Variants in TMEM67 observed in about 807,000 individuals in gnomAD.
The protein encoded by TMEM67 is meckelin.
A neutral mutation model predicts 136.6 loss-of-function variants in TMEM67; 124 were observed. That is an observed-to-expected ratio of 0.91 (90% confidence interval 0.78 to 1.05). TMEM67 has a LOEUF of 1.05. Ranked by LOEUF, TMEM67 falls within the 50% of genes least tolerant of loss-of-function variation. The probability of loss-of-function intolerance (pLI) is 0.00; values close to 1 mark genes in which losing one functional copy is unlikely to be tolerated. For synonymous variants in TMEM67, 364 were observed against 390.5 expected (o/e 0.93, Z 0.80); for missense variants, 1,107 against 1,178.4 (o/e 0.94, Z 0.89).
chr8:93,828,422 A>G, the TMEM67 span, among the ~76,000 whole-genome samples: 2 of 152,208 alleles, frequency 1.3e-5, no homozygotes, highest in Non-Finnish European at 2.9e-5. Flanking sequence ...TTCAAGCAGC[A>G]CTACTTAATT....
rs1452204629 is a variant in TMEM67 at position 93,781,640 on chromosome 8, C to T, written c.979-18C>T. On this transcript the variant is annotated intron_variant, in intron 9 of 27. Coordinates refer to ENST00000453321, the MANE Select transcript of TMEM67 (RefSeq NM_153704.6). ...TTTCAGAGTATTTGACCTGATTTTG[C>T]TCGTTTTCTTTAATCAGAATACAAA... is the stretch of plus-strand genomic sequence containing the variant. The T allele has an allele frequency of 2.2e-6, 3 of 1,368,228 alleles. No individual in the cohort carries two copies. Among genetic ancestry groups the T allele is most frequent in the Admixed American group, 1.8e-5 (1 of 56,060 alleles). 84.8% of individuals were successfully genotyped at this position (1,368,228 alleles called of 1,614,324 possible). A position where few individuals can be genotyped will look rare whatever the true frequency, so the allele number is the denominator to read the frequency against.
intron 6 of TMEM67, among the ~76,000 whole-genome samples, chr8:93,771,460 C>T (rs1204576954): frequency 6.6e-6 from 1 of 152,002 alleles, no homozygotes; most frequent in South Asian, 2.1e-4. Context: ...CCAGACTCAC[C>T]TTGTATAATT....
At chr8:93,830,983 G>A in the TMEM67 span, among the ~76,000 whole-genome samples, 17 of 152,224 alleles carry the variant, frequency 1.1e-4, no homozygotes, top group Non-Finnish European at 1.6e-4. Flanking sequence ...TCCTCAGCTT[G>A]TGATGATCAC....
chr8:93,773,661 C>T (rs1334712275), intron 7 of TMEM67, among the ~76,000 whole-genome samples: 3 of 152,126 alleles, frequency 2.0e-5, no homozygotes, highest in African/African-American at 7.2e-5. Context: ...ATGGAATTGC[C>T]TTTTCCTAAT....
chr8:93,763,835 TG>T lies in TMEM67; in HGVS notation c.407-6del. ...TTACATCTTTATTTTGTTTCTAAAC[TG>T]TTCAGTGGAAAGAGACATTAATGGA... On this transcript the variant is annotated splice_polypyrimidine_tract_variant and splice_region_variant and intron_variant, in intron 3 of 27. Coordinates refer to ENST00000453321, the MANE Select transcript of TMEM67 (RefSeq NM_153704.6). 1 of 1,598,514 alleles carries T rather than the reference TG, an allele frequency of 6.3e-7. No homozygotes were observed. The highest frequency in any genetic ancestry group is 2.2e-5 in the East Asian group (1 of 44,740).
intron 26 of TMEM67, among the ~76,000 whole-genome samples, chr8:93,814,884 A>G (rs1323855769): frequency 6.6e-6 from 1 of 152,138 alleles, no homozygotes; most frequent in East Asian, 1.9e-4. Flanking sequence ...CAGCGGGACT[A>G]TTTGAGATAA....
intron 14 of TMEM67, among the ~76,000 whole-genome samples, chr8:93,790,870 G>A (rs1054514859): frequency 1.3e-5 from 2 of 152,056 alleles, no homozygotes; most frequent in Admixed American, 6.6e-5. Context: ...TAATGTAGTG[G>A]TATCTTTAAG....
At chr8:93,825,801 C>A in the TMEM67 span, among the ~76,000 whole-genome samples, 1 of 152,156 alleles carries the variant, frequency 6.6e-6, no homozygotes, top group Non-Finnish European at 1.5e-5. Context: ...AGAAATGAGA[C>A]AGGGATGCTG....
chr8:93,827,336 A>G, the TMEM67 span, among the ~76,000 whole-genome samples: 1 of 152,254 alleles, frequency 6.6e-6, no homozygotes, highest in South Asian at 2.1e-4. Context: ...GAGGATACTG[A>G]TAGTTGCCTG....
intron 14 of TMEM67, among the ~76,000 whole-genome samples, chr8:93,788,466 G>A (rs764481579): frequency 2.6e-5 from 4 of 152,210 alleles, no homozygotes; most frequent in Non-Finnish European, 5.9e-5. Flanking sequence ...AGGAGGCTGA[G>A]GCAGGAGGAT....
chr8:93,803,712 A>T (rs1023545203), intron 22 of TMEM67, 28 bp downstream of exon 22: 7 of 1,241,200 alleles, frequency 5.6e-6, no homozygotes, highest in Non-Finnish European at 8.3e-6. Context: ...TCATCTTGCA[A>T]CTGTTACTTT....
chr8:93,760,883 CAA>C (rs1167418167), intron 3 of TMEM67, among the ~76,000 whole-genome samples: 3 of 151,754 alleles, frequency 2.0e-5, no homozygotes, highest in African/African-American at 4.8e-5. Flanking sequence ...TTAAAATAGC[CAA>C]GAGTCATAAA....
chr8:93,793,735 AT>A (rs947894758), intron 16 of TMEM67, among the ~76,000 whole-genome samples: 4 of 151,334 alleles, frequency 2.6e-5, no homozygotes, highest in Admixed American at 1.3e-4. Flanking sequence ...TATTTGAAGA[AT>A]TTTTTTTTGT....
intron 7 of TMEM67, among the ~76,000 whole-genome samples, chr8:93,779,082 G>T (rs868198714): frequency 1.3e-5 from 2 of 151,890 alleles, no homozygotes; most frequent in Non-Finnish European, 2.9e-5. Flanking sequence ...TAACCTTGTC[G>T]TCTCGCTTTA....
chr8:93,813,372 T>C (rs1364134297), intron 26 of TMEM67, among the ~76,000 whole-genome samples: 1 of 151,936 alleles, frequency 6.6e-6, no homozygotes, highest in Non-Finnish European at 1.5e-5. Context: ...AGAGATGGAG[T>C]TTCACCATAT....
At position 93,816,701 on chromosome 8, in the gene TMEM67, A is replaced by G. The variant is rs766748624; in HGVS notation, c.*249A>G. The G allele has an allele frequency of 3.7e-5, 10 of 272,878 alleles. No individual in the cohort carries two copies. In the East Asian group the frequency reaches 6.6e-4, roughly 18 times the overall value. 16.9% of individuals were successfully genotyped at this position (272,878 alleles called of 1,614,324 possible). A position where few individuals can be genotyped will look rare whatever the true frequency, so the allele number is the denominator to read the frequency against. ...ATTAATACTGACAGTGAGGCCAAAA[A>G]AAATCTAAATGTTGCTTTCAGCATA... On this transcript the variant is annotated 3_prime_UTR_variant, in exon 28 of 28. Coordinates refer to ENST00000453321, the MANE Select transcript of TMEM67 (RefSeq NM_153704.6).
chr8:93,831,497 T>C, the TMEM67 span, among the ~76,000 whole-genome samples: 55 of 152,358 alleles, frequency 3.6e-4, no homozygotes, highest in Middle Eastern at 6.8e-3. Context: ...TTCTGTCATT[T>C]ACATTCAAGT....
chr8:93,791,304 AC>A lies in TMEM67; in HGVS notation c.1561del (p.His521MetfsTer14). The A allele has an allele frequency of 6.2e-7, 1 of 1,601,580 alleles. No individual in the cohort carries two copies. The highest frequency in any genetic ancestry group is 8.6e-7 in the Non-Finnish European group (1 of 1,169,278). On this transcript the variant is annotated frameshift_variant, in exon 15 of 28. Coordinates refer to ENST00000453321, the MANE Select transcript of TMEM67 (RefSeq NM_153704.6). LOFTEE classifies it high-confidence loss of function. ...CATATGAAATGGATCATGGAGAAGC[AC>A]ATGTCCAGACAGATGTAAGTTTATT... is the stretch of plus-strand genomic sequence containing the variant. ...VTYEMDHGEA[H>X]VQTDIALGVL...
At chr8:93,821,494 C>G (rs1324745881), downstream of TMEM67, among the ~76,000 whole-genome samples, 2 of 152,142 alleles carry the variant, frequency 1.3e-5, no homozygotes, top group African/African-American at 4.8e-5. Flanking sequence ...GTTGCCCAGG[C>G]TGGACTCAGA....
Sources: allele counts gnomAD v4.1 joint callset (sites outside exome capture counted in the v4.1 genomes callset), GRCh38; gene constraint gnomAD v4.1.1; transcripts MANE v1.5; gene names NCBI Gene and HGNC (gene_info 2026-07-23, HGNC 2026-07-21).